The following ITGB4 variants were observed in gnomAD, a reference collection of about 807,000 sequenced individuals.
ITGB4 encodes integrin subunit beta 4.
A neutral mutation model predicts 207.6 loss-of-function variants in ITGB4; 159 were observed. That is an observed-to-expected ratio of 0.77 (90% CI 0.67 to 0.87). ITGB4 has a LOEUF of 0.87. ITGB4 is among the 40% of genes least tolerant of loss of function. The pLI is 0.00. For missense variants in ITGB4, 2,278 were observed against 2,546.8 expected, an observed-to-expected ratio of 0.89 and a Z score of 2.27; for synonymous variants, 1,020 against 1,062.7, an observed-to-expected ratio of 0.96 and a Z score of 0.78.
intron 16 of ITGB4, 60 bp downstream of exon 16, chr17:75,736,754 G>C: frequency 3.9e-6 from 6 of 1,548,980 alleles, no homozygotes; most frequent in Non-Finnish European, 5.3e-6. Flanking sequence ...CATCCAACGG[G>C]GCAAGGGTGT....
chr17:75,754,880 T>C, intron 34 of ITGB4, 65 bp downstream of exon 34: 1 of 1,608,412 alleles, frequency 6.2e-7, no homozygotes, highest in Non-Finnish European at 8.5e-7. Context: ...TCCTGGAGCC[T>C]CGGGCTTCTG....
Position 75,748,973 on chromosome 17 carries a change from C to T in ITGB4, c.3244C>T (p.Gln1082Ter), listed in dbSNP as rs1168303926. The T allele has an allele frequency of 6.2e-7, 1 of 1,613,516 alleles. No individual in the cohort carries two copies. Among genetic ancestry groups the T allele is most frequent in the Non-Finnish European group, 8.5e-7 (1 of 1,180,022 alleles). ...CCGCCAGGTCCGCCGTTTCCACGTC[C>T]AGCTCAGCAACCCTAAGTTTGGGGC... ...RGRQVRRFHVQLSNPKFGAHL... is the reference protein window; with the variant it reads ...RGRQVRRFHV The change falls in exon 27 of 40, where the codon CAG becomes TAG. Residue 1082 changes from glutamine to a stop codon, truncating the protein, a stop_gained. Transcript: ENST00000200181. LOFTEE classifies it high-confidence loss of function.
chr17:75,733,243 G>A (rs1277589528), intron 12 of ITGB4, among the ~76,000 whole-genome samples: 1 of 151,948 alleles, frequency 6.6e-6, no homozygotes, highest in African/African-American at 2.4e-5. Context: ...AAAATTAGCC[G>A]GGCGTAGTGG....
intron 18 of ITGB4, among the ~76,000 whole-genome samples, chr17:75,738,328 G>A (rs1034699491): frequency 6.6e-6 from 1 of 152,106 alleles, no homozygotes; most frequent in East Asian, 1.9e-4. Context: ...GCCAGCATCC[G>A]TTCTCTGCTT....
At chr17:75,752,783 G>A (rs932489526) in intron 32 of ITGB4, among the ~76,000 whole-genome samples, 2 of 152,162 alleles carry the variant, frequency 1.3e-5, no homozygotes, top group Non-Finnish European at 2.9e-5. Context: ...TTGTGCAAGC[G>A]CACATGAGTT....
intron 34 of ITGB4, chr17:75,755,228 G>T: frequency 6.3e-7 from 1 of 1,596,386 alleles, no homozygotes; most frequent in Non-Finnish European, 8.6e-7. Context: ...TACAGGGGTG[G>T]CCATCCTGTC....
chr17:75,751,245 G>C, intron 30 of ITGB4, 134 bp downstream of exon 30: 1 of 1,081,816 alleles, frequency 9.2e-7, no homozygotes, highest in Middle Eastern at 2.0e-4. Context: ...CCTGGTCAGC[G>C]GATAAGCCTG....
At position 75,750,545 on chromosome 17, in the gene ITGB4, C is replaced by T; in HGVS notation, c.3475-135C>T. ...CTCTGCCCTAGTCCTGACGTGTGCA[C>T]ATGGCAGATCTCTCAGCCCCTCCCT... On this transcript the variant is annotated intron_variant, in intron 28 of 39. Transcript: ENST00000200181. The surrounding 1 kb of genome is among the most constrained non-coding windows in gnomAD (Gnocchi z 5.5). 1 of 875,038 alleles carries T rather than the reference C, an allele frequency of 1.1e-6. No homozygotes were observed. The highest frequency in any genetic ancestry group is 1.8e-6 in the Non-Finnish European group (1 of 546,506). 54.2% of individuals were successfully genotyped at this position (875,038 alleles called of 1,614,324 possible).
At chr17:75,756,888 C>T (rs1420104878) in intron 37 of ITGB4, 29 bp downstream of exon 37, 2 of 1,612,172 alleles carry the variant, frequency 1.2e-6, no homozygotes, top group Non-Finnish European at 1.7e-6. Flanking sequence ...GCAGGAGTGG[C>T]CAGGGGAGGG....
At chr17:75,723,177 C>A (rs62088208) in intron 1 of ITGB4, among the ~76,000 whole-genome samples, 19,292 of 152,148 alleles carry the variant, frequency 0.13, 1,322 homozygotes, top group Non-Finnish European at 0.15. Context: ...GTGCTGTCCG[C>A]GGGATGGGGA....
chr17:75,753,878 T>A lies in ITGB4; in HGVS notation c.4222T>A (p.Ser1408Thr). ...PRLSASSGRS[S>T]DAEAPHGPPD... ...CCTGTCGGCCAGCAGCGGGCGCTCC[T>A]CCGACGCCGAGGCGCCCCACGGGCC... The change falls in exon 33 of 40, where the codon TCC becomes ACC. Residue 1408 changes from serine to threonine, a missense_variant. By Grantham distance (58) the Ser-to-Thr change is moderately conservative. Transcript: ENST00000200181. 1.5e-6 allele frequency: 2 copies of A among 1,330,578 alleles called. No homozygotes were observed. The highest frequency in any genetic ancestry group is 1.9e-6 in the Non-Finnish European group (2 of 1,043,276). The allele number at this position is 1,330,578 out of a possible 1,614,324, so 82.4% of individuals were successfully genotyped here.
In ITGB4 at chr17:75,752,643, G is replaced by A. The variant is rs1002332117; in HGVS notation, c.4108+66G>A. On this transcript the variant is annotated intron_variant, in intron 32 of 39. Transcript: ENST00000200181. ...CTTGGGTACAGAGTGAGTCCACTGG[G>A]TCCAGAGAGGGCAAAGGGGCCAGCA... 11 of 1,595,834 alleles carry A rather than the reference G, an allele frequency of 6.9e-6. No individual in the cohort carries two copies. The East Asian group carries it at 2.2e-4, about 33-fold the overall frequency.
Position 75,729,349 on chromosome 17 carries a change from G to A in ITGB4, c.651G>A (p.Arg217=). ...ISLTEDVDEF[R]NKLQGERISG... is the part of the protein sequence containing the mutation. ...TGACAGAAGATGTGGATGAGTTCCG[G>A]AATAAACTGCAGGGAGAGCGGATCT... The change falls in exon 7 of 40, where the codon CGG becomes CGA. Residue 217 remains arginine, a synonymous_variant. Transcript: ENST00000200181. The surrounding 1 kb of genome is among the most constrained non-coding windows in gnomAD (Gnocchi z 4.4). 6.2e-7 allele frequency: 1 copy of A among 1,614,156 alleles called. No individual in the cohort carries two copies. The highest frequency in any genetic ancestry group is 8.5e-7 in the Non-Finnish European group (1 of 1,180,026).
At chr17:75,748,445 G>A (rs2061283176) in intron 26 of ITGB4, among the ~76,000 whole-genome samples, 2 of 151,976 alleles carry the variant, frequency 1.3e-5, no homozygotes, top group South Asian at 2.1e-4. Context: ...CAAGGTGGGA[G>A]GATCACTTGA....
chr17:75,731,286 C>T lies in ITGB4; in HGVS notation c.1133C>T (p.Pro378Leu). The change falls in exon 10 of 40, where the codon CCC becomes CTC. Residue 378 changes from proline to leucine, a missense_variant. Physicochemically the swap from Pro to Leu is moderately conservative, Grantham distance 98 (BLOSUM62 -3). Coordinates refer to ENST00000200181, the MANE Select transcript of ITGB4 (RefSeq NM_000213.5). The surrounding 1 kb of genome is among the most constrained non-coding windows in gnomAD (Gnocchi z 6.8). ...SNLDIRALDS[P>L]RGLRTEVTSK... ...CTGGACATCCGGGCCCTAGACAGCC[C>T]CCGAGGCCTTCGGACAGAGGTCACC... The T allele has an allele frequency of 6.2e-7, 1 of 1,613,580 alleles. No homozygotes were observed. The highest frequency in any genetic ancestry group is 8.5e-7 in the Non-Finnish European group (1 of 1,180,030).
At chr17:75,755,093 C>CCGCTGT (rs1427756628) in intron 34 of ITGB4, 3 of 1,603,070 alleles carry the variant, frequency 1.9e-6, no homozygotes, top group Non-Finnish European at 2.6e-6. Flanking sequence ...GAGCAGGCTT[C>CCGCTGT]CGCTGTCCTG....
In ITGB4 at chr17:75,756,494, C is replaced by T. The variant is rs1486789726; in HGVS notation, c.4774C>T (p.Pro1592Ser). 4.3e-6 allele frequency: 7 copies of T among 1,613,280 alleles called. No homozygotes were observed. Among genetic ancestry groups the T allele is most frequent in the Non-Finnish European group, 5.9e-6 (7 of 1,179,984 alleles). ...CTCGGTGGTGGTGGAAGACCTCCTG[C>T]CCAACCACTCCTACGTGTTCCGCGT... ...QTSVVVEDLLPNHSYVFRVRA... is the reference protein window; with the variant it reads ...QTSVVVEDLLSNHSYVFRVRA... The change falls in exon 36 of 40, where the codon CCC (proline) becomes TCC (serine). Residue 1592 changes from proline (P) to serine (S), a missense_variant. By Grantham distance (74) the Pro-to-Ser change is moderately conservative (BLOSUM62 -1). Transcript: ENST00000200181.
rs373343133 is a variant in ITGB4 at position 75,736,582 on chromosome 17, C to T, written c.1878C>T (p.Cys626=). The T allele has an allele frequency of 5.0e-6, 8 of 1,600,718 alleles. No individual in the cohort carries two copies. The highest frequency in any genetic ancestry group is 6.0e-6 in the Non-Finnish European group (7 of 1,174,254). The part of the protein sequence containing the change: ...INYSAIHPGL[C]EDLRSCVQCQ... ...CCGCCAAGATCCACCCGGGCCTCTG[C>T]GAGGACCTACGCTCCTGCGTGCAGT... Residue 626 remains cysteine (C), a synonymous_variant, in exon 16 of 40, where the codon TGC becomes TGT. Coordinates refer to ENST00000200181, the MANE Select transcript of ITGB4 (RefSeq NM_000213.5).
At chr17:75,737,784 C>G in intron 18 of ITGB4, 140 bp downstream of exon 18, 1 of 745,192 alleles carries the variant, frequency 1.3e-6, no homozygotes, top group Non-Finnish European at 2.3e-6. Context: ...GGGTCCCCAC[C>G]TCCCCAGGGT....
Sources: gnomAD v4.1 joint callset for allele counts (sites outside exome capture counted in the v4.1 genomes callset) on GRCh38, gnomAD v4.1.1 for gene constraint, Gnocchi (gnomAD v3.1) non-coding constraint, MANE v1.5 for transcripts, NCBI Gene and HGNC (gene_info 2026-07-23, HGNC 2026-07-21) for gene names.